ZNF540: variants seen among roughly 807,000 people sequenced by gnomAD.
The protein encoded by ZNF540 is zinc finger protein 540.
Under a neutral mutation model 11.8 loss-of-function variants are expected in ZNF540, and 3 were observed. That is an observed-to-expected ratio of 0.25 (90% CI 0.12 to 0.65). The LOEUF (loss-of-function observed/expected upper bound fraction) is 0.65, where lower values mean the gene tolerates loss of function less well. Among genes scored for constraint, ZNF540 ranks in the 30% least tolerant of loss-of-function variants. The pLI is 0.83. For synonymous variants in ZNF540, 247 were observed against 259.0 expected, an observed-to-expected ratio of 0.95 and a Z score of 0.45; for missense variants, 709 against 793.1, an observed-to-expected ratio of 0.89 and a Z score of 1.27.
At chr19:37,565,616 C>G in intron 1 of ZNF540, 1 of 1,613,234 alleles carries the variant, frequency 6.2e-7, no homozygotes. Flanking sequence ...ACTATGAATT[C>G]TCTGATGAAG....
chr19:37,589,749 C>G (rs551364890), intron 1 of ZNF540, among the ~76,000 whole-genome samples: 2 of 150,110 alleles, frequency 1.3e-5, no homozygotes, highest in Admixed American at 6.7e-5. Context: ...ATCTGTAATC[C>G]CAGCTACTTG....
At chr19:37,585,090 G>C (rs918776358) in intron 1 of ZNF540, 7 of 152,080 alleles carry the variant, frequency 4.6e-5, no homozygotes, top group Non-Finnish European at 2.9e-5. Context: ...CTAGGCTATA[G>C]CAAGGTACTG....
chr19:37,606,171 G>A (rs1338185339), intron 4 of ZNF540, among the ~76,000 whole-genome samples: 4 of 152,160 alleles, frequency 2.6e-5, no homozygotes, highest in Non-Finnish European at 5.9e-5. Context: ...ATGGGATCAT[G>A]CAATGTACAG....
intron 1 of ZNF540, among the ~76,000 whole-genome samples, chr19:37,584,452 G>GT (rs2043590087): frequency 1.3e-5 from 2 of 152,152 alleles, no homozygotes; most frequent in South Asian, 4.1e-4. Flanking sequence ...ATTAATACAA[G>GT]TTCTTGCTCT....
chr19:37,573,796 G>A (rs1364171820), intron 1 of ZNF540, among the ~76,000 whole-genome samples: 1 of 149,658 alleles, frequency 6.7e-6, no homozygotes, highest in Non-Finnish European at 1.5e-5. Flanking sequence ...CTGTGCCACT[G>A]CACTCCAGTC....
chr19:37,566,538 A>G, intron 1 of ZNF540: 1 of 403,752 alleles, frequency 2.5e-6, no homozygotes, highest in Non-Finnish European at 4.4e-6. Flanking sequence ...AATGGCTTAG[A>G]GACACCCAGG....
At position 37,611,712 on chromosome 19, in the gene ZNF540, C is replaced by A. The variant is rs202168660; in HGVS notation, c.432C>A (p.Ile144=). ...LKERSISQKK[I]VSKKMSTDRK... is the part of the protein sequence containing the mutation. ...AAAGATCTATCAGTCAAAAGAAAAT[C>A]GTCTCTAAAAAAATGTCAACTGATA... The change falls in exon 5 of 5, where the codon ATC becomes ATA. Residue 144 remains isoleucine (I), a synonymous_variant. Transcript: ENST00000316433. The A allele has an allele frequency of 2.5e-6, 4 of 1,613,696 alleles. No individual in the cohort carries two copies. The Admixed American group carries it at 5.0e-5, about 20-fold the overall frequency.
chr19:37,558,078 A>C (rs906394184), intron 1 of ZNF540, among the ~76,000 whole-genome samples: 6 of 152,188 alleles, frequency 3.9e-5, no homozygotes, highest in African/African-American at 1.4e-4. Context: ...CAGGGGCTTC[A>C]GTTAATGCCT....
At chr19:37,582,769 G>C (rs1356311718) in intron 1 of ZNF540, among the ~76,000 whole-genome samples, 1 of 152,084 alleles carries the variant, frequency 6.6e-6, no homozygotes, top group Non-Finnish European at 1.5e-5. Flanking sequence ...AATATAGCCT[G>C]TTCTCATCAC....
chr19:37,558,950 A>C (rs2042689770), intron 1 of ZNF540, among the ~76,000 whole-genome samples: 1 of 152,064 alleles, frequency 6.6e-6, no homozygotes, highest in Admixed American at 6.6e-5. Context: ...AATTCAGGTG[A>C]TCCTCCCACC....
chr19:37,565,194 T>C lies in ZNF540; in HGVS notation c.-73+13529T>C, dbSNP rs148305067. 315 of 1,613,532 alleles carry C rather than the reference T, an allele frequency of 2.0e-4. 1 individual carries two copies. The highest frequency in any genetic ancestry group is 4.2e-5 in the Non-Finnish European group (50 of 1,179,864). On this transcript the variant is annotated intron_variant, in intron 1 of 4. Coordinates refer to the ZNF540 transcript ENST00000592533. Reference sequence around the variant, plus strand: ...TTGTAGGGCTTCTCTCCGGTATGAATTCTTTGATGTTGAATAAGATTAGAA... The same window carrying C: ...TTGTAGGGCTTCTCTCCGGTATGAACTCTTTGATGTTGAATAAGATTAGAA...
chr19:37,564,761 T>G, intron 1 of ZNF540: 2 of 1,613,812 alleles, frequency 1.2e-6, no homozygotes, highest in Non-Finnish European at 1.7e-6. Flanking sequence ...TTCATAGGGT[T>G]TCTCTCCAGT....
Position 37,599,733 on chromosome 19 carries a change from T to C in ZNF540, c.117T>C (p.Tyr39=), listed in dbSNP as rs767481839. 4.3e-6 allele frequency: 7 copies of C among 1,611,292 alleles called. No individual in the cohort carries two copies. The highest frequency in any genetic ancestry group is 5.9e-6 in the Non-Finnish European group (7 of 1,178,506). ...ACAGAGATGTGATGTTGGAGAATTA[T>C]AATAACTTGGTCTCACTGGGTAAGG... The part of the protein sequence containing the change: ...KLYRDVMLEN[Y]NNLVSLGYSG... Residue 39 remains tyrosine (Y), a synonymous_variant, in exon 3 of 5, where the codon TAT becomes TAC. Coordinates refer to ENST00000316433, the MANE Select transcript of ZNF540 (RefSeq NM_001172225.3).
chr19:37,566,406 G>GCAC, intron 1 of ZNF540: 2 of 1,202,618 alleles, frequency 1.7e-6, no homozygotes, highest in Non-Finnish European at 2.3e-6. Context: ...GGCTTAAACA[G>GCAC]TACAGAAATA....
At chr19:37,573,580 A>G (rs75088092) in intron 1 of ZNF540, among the ~76,000 whole-genome samples, 2,084 of 151,602 alleles carry the variant, frequency 0.014, 43 homozygotes, top group African/African-American at 0.047. Context: ...TAATGCTAGG[A>G]CTTTGGGAGG....
intron 1 of ZNF540, among the ~76,000 whole-genome samples, chr19:37,587,591 TC>T (rs1428942330): frequency 7.3e-6 from 1 of 136,894 alleles, no homozygotes; most frequent in African/African-American, 2.5e-5. Flanking sequence ...GTAGCACTGA[TC>T]TTTTTTTTTT....
chr19:37,607,582 T>A (rs1446860883), intron 4 of ZNF540, among the ~76,000 whole-genome samples: 2 of 152,206 alleles, frequency 1.3e-5, no homozygotes, highest in Non-Finnish European at 2.9e-5. Flanking sequence ...TGTAGCCTTT[T>A]CAGATTGGTC....
upstream of ZNF540, among the ~76,000 whole-genome samples, chr19:37,591,938 A>AT (rs1412994361): frequency 4.0e-5 from 6 of 151,892 alleles, no homozygotes; most frequent in East Asian, 9.7e-4. Flanking sequence ...AATTGAGAGA[A>AT]TTTTTTTTTA....
At chr19:37,598,477 C>A in intron 2 of ZNF540, 21 bp downstream of exon 2, 1 of 1,613,272 alleles carries the variant, frequency 6.2e-7, no homozygotes, top group Non-Finnish European at 8.5e-7. Context: ...GTTTCTCTTT[C>A]CTTTTTAGAT....
Sources: allele counts gnomAD v4.1 joint callset (sites outside exome capture counted in the v4.1 genomes callset), GRCh38; gene constraint gnomAD v4.1.1; transcripts MANE v1.5; gene names NCBI Gene and HGNC (gene_info 2026-07-23, HGNC 2026-07-21).